Variants in MALRD1 observed in about 807,000 individuals in gnomAD.
MALRD1 encodes MAM and LDL receptor class A domain containing 1.
MALRD1 carries 247 observed loss-of-function variants against 242.1 expected under a neutral mutation model. The observed-to-expected ratio is 1.02, with a 90% CI of 0.92 to 1.13. The LOEUF (loss-of-function observed/expected upper bound fraction) is 1.13. Ranked by LOEUF, MALRD1 falls within the 50% of genes most tolerant of loss-of-function variation. The pLI, the probability that MALRD1 is intolerant of heterozygous loss-of-function variation, is 0.00. For missense variants in MALRD1, 2,989 were observed against 2,533.1 expected, an observed-to-expected ratio of 1.18 and a Z score of -3.86; for synonymous variants, 995 against 866.6, an observed-to-expected ratio of 1.15 and a Z score of -2.60.
chr10:19,132,368 C>T (rs995944257), intron 8 of MALRD1, among the ~76,000 whole-genome samples: 3 of 152,080 alleles, frequency 2.0e-5, no homozygotes, highest in African/African-American at 7.2e-5. Context: ...AGCTATCAGC[C>T]GAAAATATGT....
intron 36 of MALRD1, among the ~76,000 whole-genome samples, chr10:19,685,304 G>A (rs1346471904): frequency 6.6e-6 from 1 of 151,874 alleles, no homozygotes; most frequent in African/African-American, 2.4e-5. Flanking sequence ...TTCTTTCTAA[G>A]TTCATACTTC....
At chr10:19,352,402 C>A in intron 26 of MALRD1, 105 bp downstream of exon 26, 1 of 1,016,910 alleles carries the variant, frequency 9.8e-7, no homozygotes, top group Non-Finnish European at 1.4e-6. Context: ...TAATTTATCA[C>A]TTTCATAAAG....
intron 26 of MALRD1, among the ~76,000 whole-genome samples, chr10:19,362,941 A>G (rs555281059): frequency 6.8e-4 from 104 of 152,082 alleles, no homozygotes; most frequent in Non-Finnish European, 1.2e-3. Context: ...AGGAATTAAG[A>G]GAGATTTTTG....
chr10:19,610,325 C>T (rs906267436), intron 35 of MALRD1, among the ~76,000 whole-genome samples: 2 of 151,934 alleles, frequency 1.3e-5, no homozygotes, highest in Non-Finnish European at 2.9e-5. Flanking sequence ...CTTATTCCTT[C>T]TATCTAATAG....
Position 19,143,982 on chromosome 10 carries a change from A to G in MALRD1, c.1412-2216A>G, listed in dbSNP as rs749223805. 2.6e-5 allele frequency among the ~76,000 whole-genome samples: 4 copies of G among 152,208 alleles called. No individual in the cohort carries two copies. In the East Asian group the frequency reaches 7.7e-4, roughly 29 times the overall value. On this transcript the variant is annotated intron_variant, in intron 10 of 39. Coordinates refer to ENST00000454679, the MANE Select transcript of MALRD1 (RefSeq NM_001142308.3). ...AATGTTTTATCAAGAGCCATATCCT[A>G]TAAATTATGTAGACACACCTAAGAA...
intron 31 of MALRD1, among the ~76,000 whole-genome samples, chr10:19,527,374 A>G (rs1834148572): frequency 6.6e-6 from 1 of 152,204 alleles, no homozygotes; most frequent in Non-Finnish European, 1.5e-5. Flanking sequence ...TGGAGTTTCA[A>G]TGTATGTATG....
intron 36 of MALRD1, among the ~76,000 whole-genome samples, chr10:19,626,075 A>G (rs1839637657): frequency 6.6e-6 from 1 of 152,162 alleles, no homozygotes; most frequent in African/African-American, 2.4e-5. Context: ...AGCTTAAGAG[A>G]CCATGCAGGG....
intron 12 of MALRD1, among the ~76,000 whole-genome samples, chr10:19,161,549 G>GAAAAAAA (rs1491548638): frequency 8.7e-5 from 1 of 11,510 alleles, no homozygotes; most frequent in Admixed American, 1.1e-3. Flanking sequence ...GAAAAAAAAA[G>GAAAAAAA]CAAAAAAAAA....
intron 36 of MALRD1, among the ~76,000 whole-genome samples, chr10:19,668,429 G>T (rs1465724706): frequency 6.6e-6 from 1 of 152,128 alleles, no homozygotes; most frequent in Non-Finnish European, 1.5e-5. Flanking sequence ...TCCAGCCCAC[G>T]CTAGACATCC....
intron 33 of MALRD1, among the ~76,000 whole-genome samples, chr10:19,572,039 T>G (rs1320170041): frequency 6.6e-6 from 1 of 152,114 alleles, no homozygotes; most frequent in East Asian, 1.9e-4. Flanking sequence ...AGAACAACAT[T>G]TGTCACCCCA....
chr10:19,691,328 T>C (rs1215728721), intron 36 of MALRD1, among the ~76,000 whole-genome samples: 2 of 152,106 alleles, frequency 1.3e-5, no homozygotes, highest in African/African-American at 4.8e-5. Flanking sequence ...AGAAGCTGAT[T>C]GCTTTTGTGA....
At chr10:19,237,117 T>C (rs1257443243) in intron 18 of MALRD1, among the ~76,000 whole-genome samples, 1 of 152,100 alleles carries the variant, frequency 6.6e-6, no homozygotes, top group East Asian at 1.9e-4. Flanking sequence ...ACCTCATGCA[T>C]TTATCATTTC....
intron 21 of MALRD1, among the ~76,000 whole-genome samples, chr10:19,308,168 T>G (rs182113841): frequency 6.6e-6 from 1 of 151,644 alleles, no homozygotes; most frequent in Admixed American, 6.6e-5. Context: ...ATCCCTACAT[T>G]TCGTCTAGAC....
At chr10:19,136,449 A>G (rs1588598242) in intron 9 of MALRD1, 125 bp from the exon 10 acceptor site, 1 of 454,994 alleles carries the variant, frequency 2.2e-6, no homozygotes, top group Admixed American at 4.4e-5. Flanking sequence ...GAACTTTGTT[A>G]TATATTGCCT....
At chr10:19,215,969 G>A (rs1459674100) in intron 18 of MALRD1, among the ~76,000 whole-genome samples, 1 of 151,596 alleles carries the variant, frequency 6.6e-6, no homozygotes, top group Non-Finnish European at 1.5e-5. Flanking sequence ...CACAGGTAGA[G>A]TGCCTTACCT....
At chr10:19,170,066 AC>A (rs1311012985) in intron 13 of MALRD1, among the ~76,000 whole-genome samples, 2 of 152,154 alleles carry the variant, frequency 1.3e-5, no homozygotes, top group African/African-American at 4.8e-5. Flanking sequence ...GCAAATAAGC[AC>A]CCCTAGTTAG....
chr10:19,643,409 G>A (rs1044957739), intron 36 of MALRD1, among the ~76,000 whole-genome samples: 1 of 152,100 alleles, frequency 6.6e-6, no homozygotes, highest in African/African-American at 2.4e-5. Context: ...CTGTGCCAAC[G>A]CACTTCAGTG....
chr10:19,509,491 G>T (rs1258350884), intron 31 of MALRD1, among the ~76,000 whole-genome samples: 2 of 152,098 alleles, frequency 1.3e-5, no homozygotes, highest in East Asian at 3.9e-4. Context: ...TGGCCTCTTG[G>T]TTATTTACTT....
At chr10:19,535,261 A>C (rs1417838808) in intron 32 of MALRD1, among the ~76,000 whole-genome samples, 1 of 152,148 alleles carries the variant, frequency 6.6e-6, no homozygotes, top group South Asian at 2.1e-4. Context: ...GAATTACTCA[A>C]ATATAGTACA....
Sources: allele counts gnomAD v4.1 joint callset (sites outside exome capture counted in the v4.1 genomes callset), GRCh38; gene constraint gnomAD v4.1.1; transcripts MANE v1.5; gene names NCBI Gene and HGNC (gene_info 2026-07-23, HGNC 2026-07-21).